Variants in CAMSAP1 observed in about 807,000 individuals in gnomAD.
CAMSAP1 encodes the protein calmodulin-regulated spectrin-associated protein 1.
A neutral mutation model predicts 143.5 loss-of-function variants in CAMSAP1; 58 were observed. That is an observed-to-expected ratio of 0.40 (90% CI 0.33 to 0.50). CAMSAP1 has a LOEUF of 0.50. CAMSAP1 is among the 20% of genes least tolerant of loss of function. The probability of loss-of-function intolerance (pLI) is 0.45; values close to 1 mark genes in which losing one functional copy is unlikely to be tolerated. For synonymous variants in CAMSAP1, 945 were observed against 859.3 expected, an observed-to-expected ratio of 1.10 and a Z score of -1.74; for missense variants, 1,969 against 2,115.7, an observed-to-expected ratio of 0.93 and a Z score of 1.36.
intron 4 of CAMSAP1, among the ~76,000 whole-genome samples, chr9:135,864,317 T>G (rs1837299851): frequency 6.6e-6 from 1 of 152,216 alleles, no homozygotes; most frequent in Non-Finnish European, 1.5e-5. Flanking sequence ...TTAAAAGATC[T>G]ATATTGATTT....
At chr9:135,850,541 C>T (rs1836738621) in intron 5 of CAMSAP1, 80 bp from the exon 6 acceptor site, 1 of 1,140,754 alleles carries the variant, frequency 8.8e-7, no homozygotes, top group African/African-American at 1.6e-5. Flanking sequence ...AAAATGAAAA[C>T]CATTTTACAT....
At chr9:135,825,213 AAC>A (rs1355278702) in intron 8 of CAMSAP1, among the ~76,000 whole-genome samples, 1 of 152,210 alleles carries the variant, frequency 6.6e-6, no homozygotes, top group African/African-American at 2.4e-5. Context: ...TCTGACAAGC[AAC>A]AGTTTTCAAA....
In CAMSAP1 at chr9:135,816,330, T is replaced by C. The variant is rs374620907; in HGVS notation, c.4272-325A>G. 4.9e-4 allele frequency among the ~76,000 whole-genome samples: 74 copies of C among 152,184 alleles called. 2 individuals carry two copies. The South Asian group carries it at 7.3e-3, about 15-fold the overall frequency. ...GGCACAGGCACAGCACAGGGCACAGTGCTGCTGGCTCAGGAAGCCAGAGGA... is the reference window on the plus strand; with the variant it reads ...GGCACAGGCACAGCACAGGGCACAGCGCTGCTGGCTCAGGAAGCCAGAGGA... On this transcript the variant is annotated intron_variant, in intron 14 of 16. Transcript: ENST00000389532.
chr9:135,900,249 C>A (rs1409087204), intron 1 of CAMSAP1, among the ~76,000 whole-genome samples: 2 of 151,978 alleles, frequency 1.3e-5, no homozygotes, highest in Admixed American at 6.6e-5. Context: ...GTCTCAATCT[C>A]CTGGGCTCAA....
rs1837279994 is a variant in CAMSAP1 at position 135,863,814 on chromosome 9, G to T, written c.667-1206C>A. Among the ~76,000 whole-genome samples, 4 of 152,286 alleles carry T rather than the reference G, an allele frequency of 2.6e-5. No homozygotes were observed. In the South Asian group the frequency reaches 8.3e-4, roughly 32 times the overall value. Reference sequence around the variant, plus strand: ...ACGCGTGCAAACTCCACGGGTTCCAGCATGCAGTGCACCACAGCATGCGCC... The same window carrying T: ...ACGCGTGCAAACTCCACGGGTTCCATCATGCAGTGCACCACAGCATGCGCC... On this transcript the variant is annotated intron_variant, in intron 4 of 16. Transcript: ENST00000389532.
At chr9:135,896,105 AGAC>A (rs1356058325) in intron 1 of CAMSAP1, among the ~76,000 whole-genome samples, 1 of 152,232 alleles carries the variant, frequency 6.6e-6, no homozygotes, top group African/African-American at 2.4e-5. Context: ...ACCAATCAAA[AGAC>A]AGACTGGTAG....
At chr9:135,851,093 C>A (rs889440154) in intron 5 of CAMSAP1, among the ~76,000 whole-genome samples, 2 of 152,196 alleles carry the variant, frequency 1.3e-5, no homozygotes, top group Non-Finnish European at 2.9e-5. Context: ...AGTCACAGGA[C>A]CAAAGAGCAG....
intron 16 of CAMSAP1, among the ~76,000 whole-genome samples, chr9:135,813,643 C>T (rs909223446): frequency 5.9e-5 from 9 of 152,208 alleles, no homozygotes; most frequent in African/African-American, 1.9e-4. Context: ...CCTAGAAAGG[C>T]CTGCCTGCTG....
Position 135,824,968 on chromosome 9 carries a change from G to A in CAMSAP1, c.1224-88C>T. On this transcript the variant is annotated intron_variant, in intron 8 of 16. Transcript: ENST00000389532. The surrounding 1 kb of genome is among the most constrained non-coding windows in gnomAD (Gnocchi z 4.1). ...ATGCACAAGTGTACAGGACCATCCT[G>A]AATTCACACCAAGTTTTGAGAAACT... The A allele has an allele frequency of 1.0e-6, 1 of 994,302 alleles. No homozygotes were observed. Among genetic ancestry groups the A allele is most frequent in the Non-Finnish European group, 1.5e-6 (1 of 680,338 alleles). The allele number at this position is 994,302 out of a possible 1,614,324, so 61.6% of individuals were successfully genotyped here.
intron 3 of CAMSAP1, among the ~76,000 whole-genome samples, chr9:135,876,807 A>C (rs1379376406): frequency 3.9e-5 from 6 of 152,112 alleles, no homozygotes; most frequent in Non-Finnish European, 8.8e-5. Flanking sequence ...TCAGGAGTTC[A>C]AGACTAGCCT....
chr9:135,841,321 C>T (rs577841482), intron 7 of CAMSAP1, among the ~76,000 whole-genome samples: 3 of 152,334 alleles, frequency 2.0e-5, no homozygotes, highest in Admixed American at 6.5e-5. Context: ...CTGAGCAGGG[C>T]ATCTCTGAAA....
At chr9:135,814,988 A>T in intron 16 of CAMSAP1, 109 bp downstream of exon 16, 1 of 797,518 alleles carries the variant, frequency 1.3e-6, no homozygotes, top group Non-Finnish European at 2.0e-6. Context: ...CATTCTCCCT[A>T]GTAACTCTCA....
intron 1 of CAMSAP1, among the ~76,000 whole-genome samples, chr9:135,890,162 C>G (rs1838245016): frequency 6.6e-6 from 1 of 151,830 alleles, no homozygotes; most frequent in African/African-American, 2.4e-5. Flanking sequence ...CTCCGCATGC[C>G]CAACCCACAC....
chr9:135,836,570 T>TCA, intron 7 of CAMSAP1: 1 of 973,480 alleles, frequency 1.0e-6, no homozygotes, highest in Non-Finnish European at 1.2e-6. Flanking sequence ...CAGACACACA[T>TCA]CACCACACAC....
At chr9:135,825,082 G>A (rs1193310078) in intron 8 of CAMSAP1, among the ~76,000 whole-genome samples, 3 of 152,076 alleles carry the variant, frequency 2.0e-5, no homozygotes, top group African/African-American at 4.8e-5. Context: ...CACTGCAAAC[G>A]GGCACACTGA....
intron 10 of CAMSAP1, 76 bp downstream of exon 10, chr9:135,823,874 T>G: frequency 8.8e-7 from 1 of 1,134,792 alleles, no homozygotes; most frequent in Non-Finnish European, 1.3e-6. Context: ...CTCAGGGGGT[T>G]GGGGTGACAT....
At position 135,821,026 on chromosome 9, in the gene CAMSAP1, G is replaced by A. The variant is rs779062012; in HGVS notation, c.3635C>T (p.Ser1212Phe). ...DASVKEVGSS[S>F]SDVSGKESVP... is the part of the protein sequence containing the mutation. The stretch of plus-strand genomic sequence containing the variant: ...GCTCTCTTTTCCCGAGACATCTGAG[G>A]AGCTGGACCCCACCTCCTTCACACT... Residue 1212 changes from serine (S) to phenylalanine (F), a missense_variant, in exon 11 of 17, where the codon TCC becomes TTC. By Grantham distance (155) the Ser-to-Phe change is radical. Around this residue, in one of 4 missense-constraint regions of CAMSAP1, gnomAD observed 1,390 missense variants for 1,420.8 expected, o/e 0.98. Coordinates refer to ENST00000389532, the MANE Select transcript of CAMSAP1 (RefSeq NM_015447.4). This position sits in a 1 kb window ranked among gnomAD's most constrained non-coding sequence, Gnocchi z 4.6. 6.2e-7 allele frequency: 1 copy of A among 1,613,858 alleles called. No individual in the cohort carries two copies. Among genetic ancestry groups the A allele is most frequent in the South Asian group, 1.1e-5 (1 of 91,070 alleles).
Position 135,818,950 on chromosome 9 carries a change from G to A in CAMSAP1, c.3959+60C>T, listed in dbSNP as rs1835340488. 6 of 1,577,440 alleles carry A rather than the reference G, an allele frequency of 3.8e-6. No individual in the cohort carries two copies. In the African/African-American group the frequency reaches 4.0e-5, roughly 11 times the overall value. On this transcript the variant is annotated intron_variant, in intron 12 of 16. Transcript: ENST00000389532. The surrounding 1 kb of genome is among the most constrained non-coding windows in gnomAD (Gnocchi z 7.7). The stretch of plus-strand genomic sequence containing the variant: ...GCTCAGTGCCAGCAACGGGACCGGG[G>A]CCGCCAGGGACCCACCAGGCTCCTG...
At chr9:135,842,176 A>C (rs947945859) in intron 7 of CAMSAP1, among the ~76,000 whole-genome samples, 15 of 152,228 alleles carry the variant, frequency 9.9e-5, no homozygotes, top group African/African-American at 3.4e-4. Context: ...GAGCTGAAAA[A>C]CACAGCACGA....
Sources: allele counts gnomAD v4.1 joint callset (sites outside exome capture counted in the v4.1 genomes callset), GRCh38; gene constraint gnomAD v4.1.1; regional missense constraint gnomAD v4.1.1; non-coding constraint Gnocchi (gnomAD v3.1); transcripts MANE v1.5; gene names NCBI Gene and HGNC (gene_info 2026-07-23, HGNC 2026-07-21).